Variants in PSMD1 observed in about 807,000 individuals in gnomAD.
PSMD1 encodes the protein proteasome 26S subunit, non-ATPase 1.
In PSMD1, 18 loss-of-function variants were observed where a neutral mutation model predicts 119.0. The observed-to-expected ratio is 0.15, with a 90% CI of 0.10 to 0.22. The LOEUF is 0.22. Among genes scored for constraint, PSMD1 ranks in the 10% least tolerant of loss-of-function variants. The probability of loss-of-function intolerance (pLI) is 1.00; values close to 1 mark genes in which losing one functional copy is unlikely to be tolerated. For missense variants in PSMD1, 702 were observed against 1,158.5 expected, an observed-to-expected ratio of 0.61 and a Z score of 5.72; for synonymous variants, 374 against 396.6, an observed-to-expected ratio of 0.94 and a Z score of 0.68.
intron 21 of PSMD1, among the ~76,000 whole-genome samples, chr2:231,164,375 C>T (rs1696708609): frequency 6.6e-6 from 1 of 152,104 alleles, no homozygotes; most frequent in African/African-American, 2.4e-5. Context: ...TGAGGACACT[C>T]CTGTATTAAA....
chr2:231,070,258 A>G (rs1371199244), intron 6 of PSMD1, 90 bp downstream of exon 6: 26 of 1,076,132 alleles, frequency 2.4e-5, no homozygotes, highest in African/African-American at 6.6e-5. Flanking sequence ...TTATATTACT[A>G]TAATGGCTTT....
In PSMD1 at chr2:231,108,702, T is replaced by C. The variant is rs6736017; in HGVS notation, c.1883+21521T>C. The C allele has an allele frequency of 4.4e-3, 7,085 of 1,614,138 alleles. 260 individuals carry two copies. In the African/African-American group the frequency reaches 0.083, roughly 19 times the overall value. On this transcript the variant is annotated intron_variant, in intron 16 of 24. Transcript: ENST00000308696. ...TTGAAAAACTTAGAGTTCTCTGCCA[T>C]TGGATTCCGGAAGTAGATCTTACTG...
At chr2:231,160,497 T>G (rs906026062) in intron 19 of PSMD1, among the ~76,000 whole-genome samples, 1 of 152,246 alleles carries the variant, frequency 6.6e-6, no homozygotes, top group Admixed American at 6.5e-5. Context: ...CAGAACATAT[T>G]CTTTACTGTT....
chr2:231,106,393 C>T (rs994210660), intron 16 of PSMD1, among the ~76,000 whole-genome samples: 5 of 152,276 alleles, frequency 3.3e-5, no homozygotes, highest in African/African-American at 1.2e-4. Flanking sequence ...CCAAGGCAGG[C>T]AGATAGCTTG....
At chr2:231,169,947 T>G (rs1400208528) in intron 23 of PSMD1, among the ~76,000 whole-genome samples, 1 of 152,242 alleles carries the variant, frequency 6.6e-6, no homozygotes, top group East Asian at 1.9e-4. Flanking sequence ...TAGATTAAAG[T>G]GAAAAACCCG....
At chr2:231,085,354 G>A (rs1694407009) in intron 15 of PSMD1, among the ~76,000 whole-genome samples, 1 of 152,226 alleles carries the variant, frequency 6.6e-6, no homozygotes, top group Non-Finnish European at 1.5e-5. Flanking sequence ...CCATTCAGGT[G>A]CAACTTCTAA....
At chr2:231,100,884 G>A (rs553745530) in intron 16 of PSMD1, among the ~76,000 whole-genome samples, 6 of 152,172 alleles carry the variant, frequency 3.9e-5, no homozygotes, top group Non-Finnish European at 5.9e-5. Context: ...TACTGACTGC[G>A]CAGTTTCTTC....
chr2:231,123,342 A>G, intron 16 of PSMD1: 1 of 1,079,590 alleles, frequency 9.3e-7, no homozygotes, highest in South Asian at 1.3e-5. Flanking sequence ...TAAAGATTAA[A>G]TGAGTGTCCA....
intron 19 of PSMD1, among the ~76,000 whole-genome samples, chr2:231,159,918 A>G (rs1249434778): frequency 2.0e-5 from 3 of 152,230 alleles, no homozygotes; most frequent in African/African-American, 4.8e-5. Context: ...CGCGGTTCAC[A>G]ATAAGGTTCA....
intron 16 of PSMD1, among the ~76,000 whole-genome samples, chr2:231,129,075 T>C (rs1377784268): frequency 6.6e-6 from 1 of 152,230 alleles, no homozygotes. Context: ...ACTCTGCATG[T>C]CCTCAGTAAT....
At chr2:231,111,415 C>G (rs1353675199) in intron 16 of PSMD1, among the ~76,000 whole-genome samples, 1 of 152,152 alleles carries the variant, frequency 6.6e-6, no homozygotes, top group African/African-American at 2.4e-5. Flanking sequence ...TTTTTACATT[C>G]TGTTAATATC....
rs141223610 is a variant in PSMD1 at position 231,073,882 on chromosome 2, A to G, written c.881+1467A>G. On this transcript the variant is annotated intron_variant, in intron 7 of 24. Coordinates refer to ENST00000308696, the MANE Select transcript of PSMD1 (RefSeq NM_002807.4). ...GATAAAATCATTTATAGCTTTATAA[A>G]TGATTTTTTTAAGTAAATTTTTTAA... 5.1e-3 allele frequency among the ~76,000 whole-genome samples: 781 copies of G among 152,152 alleles called. 6 individuals carry two copies. Among genetic ancestry groups the G allele is most frequent in the African/African-American group, 0.017 (717 of 41,520 alleles).
chr2:231,139,266 A>G (rs1317222705), intron 17 of PSMD1, among the ~76,000 whole-genome samples: 1 of 148,354 alleles, frequency 6.7e-6, no homozygotes, highest in Non-Finnish European at 1.5e-5. Flanking sequence ...GGCCTCCCAC[A>G]GTGCTGGGAT....
rs79874540 is a variant in PSMD1 at position 231,123,707 on chromosome 2, G to A, written c.1884-15029G>A. The A allele has an allele frequency of 7.4e-4, 1,197 of 1,614,062 alleles. 9 individuals carry two copies. Among genetic ancestry groups the A allele is most frequent in the Non-Finnish European group, 7.7e-5 (91 of 1,179,926 alleles). ...GAGATAACGTGAACAAAGGTGCTCT[G>A]CAAAATGTGCTCAGGAATTGTGCTT... On this transcript the variant is annotated intron_variant, in intron 16 of 24. Transcript: ENST00000308696.
intron 5 of PSMD1, among the ~76,000 whole-genome samples, chr2:231,069,005 T>C (rs1161924089): frequency 3.3e-5 from 5 of 152,194 alleles, no homozygotes; most frequent in Non-Finnish European, 7.3e-5. Context: ...TGGTACTGTT[T>C]GTGGTTTCAG....
At chr2:231,114,939 G>C (rs1695280285) in intron 16 of PSMD1, among the ~76,000 whole-genome samples, 2 of 152,262 alleles carry the variant, frequency 1.3e-5, no homozygotes, top group South Asian at 2.1e-4. Flanking sequence ...GTAGAGAACA[G>C]ATGTCATGCA....
chr2:231,146,273 G>A lies in PSMD1; in HGVS notation c.2032G>A (p.Asp678Asn), dbSNP rs1388016862. The A allele has an allele frequency of 4.3e-6, 7 of 1,613,316 alleles. No individual in the cohort carries two copies. The highest frequency in any genetic ancestry group is 1.7e-5 in the Admixed American group (1 of 59,956). Residue 678 changes from aspartate (D) to asparagine (N), a missense_variant, in exon 18 of 25, where the codon GAC (aspartate) becomes AAC (asparagine). Asp to Asn is a conservative substitution (Grantham distance 23, BLOSUM62 1). Coordinates refer to ENST00000308696, the MANE Select transcript of PSMD1 (RefSeq NM_002807.4). ...AINLLEPMTN[D>N]PVNYVRQGAL... is the part of the protein sequence containing the mutation. ...TAATTTGCTAGAACCAATGACAAAC[G>A]ACCCCGTGAACTACGTGAGGCAAGG...
intron 16 of PSMD1, among the ~76,000 whole-genome samples, chr2:231,104,148 A>C (rs1431742733): frequency 6.6e-6 from 1 of 152,212 alleles, no homozygotes; most frequent in Non-Finnish European, 1.5e-5. Context: ...TAACAATATA[A>C]ATCAGTGGCT....
At chr2:231,116,022 C>T (rs1338603602) in intron 16 of PSMD1, among the ~76,000 whole-genome samples, 2 of 152,044 alleles carry the variant, frequency 1.3e-5, no homozygotes, top group Admixed American at 1.3e-4. Flanking sequence ...GTTATAGGCA[C>T]TTGGAATGTC....
Sources: allele counts gnomAD v4.1 joint callset (sites outside exome capture counted in the v4.1 genomes callset), GRCh38; gene constraint gnomAD v4.1.1; transcripts MANE v1.5; gene names NCBI Gene and HGNC (gene_info 2026-07-23, HGNC 2026-07-21).